Variants in SWT1 observed in about 807,000 individuals in gnomAD.
The protein encoded by SWT1 is SWT1 RNA endoribonuclease homolog, also known as transcriptional protein SWT1.
Under a neutral mutation model 107.3 loss-of-function variants are expected in SWT1, and 33 were observed. The observed-to-expected ratio is 0.31, with a 90% CI of 0.23 to 0.41. The LOEUF (loss-of-function observed/expected upper bound fraction) is 0.41, where lower values mean the gene tolerates loss of function less well. SWT1 is among the 10% of genes least tolerant of loss of function. The probability of loss-of-function intolerance (pLI) is 1.00; values close to 1 mark genes in which losing one functional copy is unlikely to be tolerated. For missense variants in SWT1, 898 were observed against 1,028.9 expected (o/e 0.87, Z 1.74); for synonymous variants, 345 against 348.3 (o/e 0.99, Z 0.11).
rs773330290 is a variant in SWT1, at chr1:185,214,476, A to G, written c.1973-31A>G. ...TTTTATGATGTATACTCATTCTTCC[A>G]TATTTTTCTGTCTTAATTTTCTGTT... On this transcript the variant is annotated intron_variant, in intron 13 of 18. Coordinates refer to ENST00000367500, the MANE Select transcript of SWT1 (RefSeq NM_017673.7). 3.9e-6 allele frequency: 6 copies of G among 1,557,142 alleles called. No individual in the cohort carries two copies. The Admixed American group carries it at 7.4e-5, about 19-fold the overall frequency.
chr1:185,257,770 A>G (rs11804954), intron 16 of SWT1: 5,999 of 152,986 alleles, frequency 0.039, 290 homozygotes, highest in African/African-American at 0.096. Flanking sequence ...GCTGTAGACC[A>G]GAGCTGTTCC....
At chr1:185,230,413 G>A (rs1305950650) in intron 15 of SWT1, among the ~76,000 whole-genome samples, 1 of 152,194 alleles carries the variant, frequency 6.6e-6, no homozygotes, top group East Asian at 1.9e-4. Flanking sequence ...CTTTTCTTCT[G>A]GTAGTTGCCA....
Position 185,266,281 on chromosome 1 carries a change from G to T in SWT1, c.2442-5042G>T, listed in dbSNP as rs538198708. Among the ~76,000 whole-genome samples the T allele has an allele frequency of 1.5e-4, 23 of 152,238 alleles. No individual in the cohort carries two copies. In the East Asian group the frequency reaches 3.9e-3, roughly 26 times the overall value. On this transcript the variant is annotated intron_variant, in intron 16 of 18. Transcript: ENST00000367500. Reference sequence around the variant, plus strand: ...GGGTTTCACCGTGTTAGCCAGGATGGTCTCGATCTCCTGACCTCGTGATCT... The same window carrying T: ...GGGTTTCACCGTGTTAGCCAGGATGTTCTCGATCTCCTGACCTCGTGATCT...
intron 14 of SWT1, 27 bp downstream of exon 14, chr1:185,214,682 G>A (rs909786140): frequency 7.0e-6 from 11 of 1,580,534 alleles, no homozygotes; most frequent in Non-Finnish European, 9.5e-6. Flanking sequence ...ATGCCAGTTA[G>A]AGTAGCTAAT....
intron 17 of SWT1, among the ~76,000 whole-genome samples, chr1:185,273,426 G>C (rs954109984): frequency 6.6e-6 from 1 of 150,918 alleles, no homozygotes; most frequent in South Asian, 2.1e-4. Context: ...AAATAGGCTG[G>C]GCGCGGTGGC....
intron 17 of SWT1, among the ~76,000 whole-genome samples, chr1:185,276,280 A>G (rs1213290927): frequency 1.3e-5 from 2 of 152,176 alleles, no homozygotes; most frequent in African/African-American, 2.4e-5. Context: ...CTGTAAATCA[A>G]ACTTTTTCCT....
At chr1:185,164,840 A>G (rs1458348056) in intron 2 of SWT1, among the ~76,000 whole-genome samples, 1 of 152,142 alleles carries the variant, frequency 6.6e-6, no homozygotes, top group Non-Finnish European at 1.5e-5. Context: ...CTTATTATTT[A>G]TGTGTTCGCT....
At chr1:185,244,667 A>G (rs1310628225) in intron 16 of SWT1, among the ~76,000 whole-genome samples, 1 of 152,198 alleles carries the variant, frequency 6.6e-6, no homozygotes, top group African/African-American at 2.4e-5. Context: ...GCTCCACTCA[A>G]TTAAAAAATG....
At chr1:185,208,815 G>C (rs1402072525) in intron 13 of SWT1, among the ~76,000 whole-genome samples, 1 of 150,916 alleles carries the variant, frequency 6.6e-6, no homozygotes, top group Non-Finnish European at 1.5e-5. Flanking sequence ...AATCTAGGAT[G>C]CATAGCTGTG....
At chr1:185,219,053 A>T (rs1659436018) in intron 14 of SWT1, among the ~76,000 whole-genome samples, 1 of 152,232 alleles carries the variant, frequency 6.6e-6, no homozygotes, top group Non-Finnish European at 1.5e-5. Flanking sequence ...TTTGGTGATA[A>T]AAAATTATCT....
rs909158064 is a variant in SWT1, at chr1:185,272,703, G to A, written c.2508+1314G>A. 3.9e-5 allele frequency among the ~76,000 whole-genome samples: 6 copies of A among 152,264 alleles called. No individual in the cohort carries two copies. In the East Asian group the frequency reaches 7.7e-4, roughly 20 times the overall value. On this transcript the variant is annotated intron_variant, in intron 17 of 18. Transcript: ENST00000367500. ...TTGTATTCTGCAAAGATTAAATAAT[G>A]TAAAATATGCAAAGTGCTCCAAACA...
rs767518672 is a variant in SWT1 at position 185,182,070 on chromosome 1, T to C, written c.1138+13T>C. 6 of 1,613,212 alleles carry C rather than the reference T, an allele frequency of 3.7e-6. No individual in the cohort carries two copies. The South Asian group carries it at 6.6e-5, about 18-fold the overall frequency. On this transcript the variant is annotated intron_variant, in intron 7 of 18. Transcript: ENST00000367500. ...CATTCCTCCTCTGGTATACCCTATA[T>C]GTTGATGTGTATGCTCCCCTATGCT...
chr1:185,285,154 C>T (rs1171435553), intron 18 of SWT1, among the ~76,000 whole-genome samples: 1 of 152,176 alleles, frequency 6.6e-6, no homozygotes, highest in Non-Finnish European at 1.5e-5. Context: ...TCCTCCTCTT[C>T]CTCCCCGTGG....
At chr1:185,273,042 A>C (rs1389602355) in intron 17 of SWT1, among the ~76,000 whole-genome samples, 1 of 151,684 alleles carries the variant, frequency 6.6e-6, no homozygotes, top group Admixed American at 6.6e-5. Flanking sequence ...CAAAAAAAAA[A>C]AGGGGGAGGG....
At chr1:185,167,175 A>T (rs908594678) in intron 3 of SWT1, among the ~76,000 whole-genome samples, 1 of 152,086 alleles carries the variant, frequency 6.6e-6, no homozygotes. Context: ...CCCAGAGGTT[A>T]TATTTGTCTC....
chr1:185,264,247 A>G, intron 16 of SWT1: 1 of 528,596 alleles, frequency 1.9e-6, no homozygotes, highest in Non-Finnish European at 2.4e-6. Context: ...GTAGTTAAGT[A>G]TATAGTAGAC....
intron 9 of SWT1, among the ~76,000 whole-genome samples, chr1:185,189,361 G>A (rs1656751286): frequency 2.0e-5 from 3 of 152,142 alleles, no homozygotes. Context: ...CCTGTCAGCA[G>A]CTGATTAACA....
At chr1:185,185,662 G>A (rs547669876) in intron 9 of SWT1, among the ~76,000 whole-genome samples, 5 of 152,046 alleles carry the variant, frequency 3.3e-5, no homozygotes, top group South Asian at 2.1e-4. Flanking sequence ...CATATTCACC[G>A]TAAGATTTGA....
chr1:185,159,728 T>A (rs995588524), intron 1 of SWT1, among the ~76,000 whole-genome samples: 1 of 152,054 alleles, frequency 6.6e-6, no homozygotes, highest in African/African-American at 2.4e-5. Context: ...TTTTTTTATA[T>A]TTTTTTAAAT....
Sources: gnomAD v4.1 joint callset for allele counts (sites outside exome capture counted in the v4.1 genomes callset) on GRCh38, gnomAD v4.1.1 for gene constraint, MANE v1.5 for transcripts, NCBI Gene and HGNC (gene_info 2026-07-23, HGNC 2026-07-21) for gene names.